The following CNTN5 variants were observed in gnomAD, a reference collection of about 807,000 sequenced individuals.
The protein encoded by CNTN5 is contactin 5.
In CNTN5, 77 loss-of-function variants were observed where a neutral mutation model predicts 129.1. That is an observed-to-expected ratio of 0.60 (90% CI 0.50 to 0.72). The LOEUF (loss-of-function observed/expected upper bound fraction) is 0.72, where lower values mean the gene tolerates loss of function less well. Among genes scored for constraint, CNTN5 ranks in the 30% least tolerant of loss-of-function variants. The pLI is 0.00. For missense variants in CNTN5, 1,478 were observed against 1,328.8 expected, an observed-to-expected ratio of 1.11 and a Z score of -1.75; for synonymous variants, 509 against 465.6, an observed-to-expected ratio of 1.09 and a Z score of -1.20.
At chr11:99,463,156 A>T (rs1380038147) in intron 2 of CNTN5, among the ~76,000 whole-genome samples, 2 of 75,728 alleles carry the variant, frequency 2.6e-5, no homozygotes, top group Non-Finnish European at 3.1e-5. Flanking sequence ...AAAGTAAAAA[A>T]GTCCAGGCGC....
intron 3 of CNTN5, among the ~76,000 whole-genome samples, chr11:99,635,751 ATTATGT>A (rs1490936114): frequency 7.2e-5 from 11 of 152,198 alleles, no homozygotes; most frequent in African/African-American, 2.4e-4. Flanking sequence ...AGGTAAATAA[ATTATGT>A]TTATGTATTT....
At position 99,729,852 on chromosome 11, in the gene CNTN5, A is replaced by T. The variant is rs1483532592; in HGVS notation, c.56-89692A>T. 2.0e-5 allele frequency among the ~76,000 whole-genome samples: 3 copies of T among 152,162 alleles called. No individual in the cohort carries two copies. In the East Asian group the frequency reaches 5.8e-4, roughly 29 times the overall value. On this transcript the variant is annotated intron_variant, in intron 3 of 24. Transcript: ENST00000524871. ...TTATAAGTGGGAGCTGAACAATGAG[A>T]ACACATGGACACGGGGAGGGGAACA...
At chr11:99,409,572 A>G (rs1016322485) in intron 2 of CNTN5, among the ~76,000 whole-genome samples, 1 of 152,268 alleles carries the variant, frequency 6.6e-6, no homozygotes, top group Non-Finnish European at 1.5e-5. Flanking sequence ...AGATAAAAAT[A>G]AATCATGAAT....
rs186727444 is a variant in CNTN5, at chr11:99,992,855, G to A, written c.878-9179G>A. 1.2e-3 allele frequency among the ~76,000 whole-genome samples: 185 copies of A among 152,310 alleles called. 2 individuals carry two copies. The highest frequency in any genetic ancestry group is 4.3e-3 in the African/African-American group (179 of 41,564). On this transcript the variant is annotated intron_variant, in intron 8 of 24. Coordinates refer to ENST00000524871, the MANE Select transcript of CNTN5 (RefSeq NM_014361.4). ...TTTATGAGAAATTAGGGTAATTTAA[G>A]GTCATCTTCTAATGGCACGTAATTC...
chr11:100,110,571 ATTTATAAACCATATAAT>A (rs1945621335), intron 13 of CNTN5, among the ~76,000 whole-genome samples: 6 of 152,260 alleles, frequency 3.9e-5, no homozygotes, highest in Non-Finnish European at 7.3e-5. Flanking sequence ...AGAACAATCT[ATTTATAAACCATATAAT>A]GAGAATAAGG....
chr11:99,033,885 G>C (rs1349999487), intron 1 of CNTN5, among the ~76,000 whole-genome samples: 2 of 150,568 alleles, frequency 1.3e-5, no homozygotes, highest in Non-Finnish European at 3.0e-5. Flanking sequence ...TGCCCATTCA[G>C]TATGATATTG....
intron 13 of CNTN5, among the ~76,000 whole-genome samples, chr11:100,092,683 A>T (rs146933594): frequency 6.6e-6 from 1 of 152,240 alleles, no homozygotes; most frequent in Admixed American, 6.5e-5. Flanking sequence ...ATCTGTATAA[A>T]TCATGTGTGG....
At chr11:100,096,493 ACCTGATCTCCCTCCCACCTGG>A (rs1945014429) in intron 13 of CNTN5, among the ~76,000 whole-genome samples, 1 of 150,144 alleles carries the variant, frequency 6.7e-6, no homozygotes, top group Admixed American at 6.6e-5. Flanking sequence ...ATCCCCTGAT[ACCTGATCTCCCTCCCACCTGG>A]GAGCTCCATC....
At chr11:99,937,513 A>G (rs1411045189) in intron 7 of CNTN5, among the ~76,000 whole-genome samples, 1 of 152,180 alleles carries the variant, frequency 6.6e-6, no homozygotes, top group Admixed American at 6.5e-5. Context: ...GCCAGCGGTG[A>G]CAGGGCTGTG....
intron 3 of CNTN5, among the ~76,000 whole-genome samples, chr11:99,811,790 C>T (rs1946436048): frequency 6.6e-6 from 1 of 151,992 alleles, no homozygotes; most frequent in African/African-American, 2.4e-5. Context: ...CACAAAATCT[C>T]TGGGCCACTT....
At chr11:100,009,722 C>T (rs1451766589) in intron 9 of CNTN5, among the ~76,000 whole-genome samples, 1 of 152,104 alleles carries the variant, frequency 6.6e-6, no homozygotes, top group Non-Finnish European at 1.5e-5. Context: ...TAATAATGCC[C>T]ATTTGTCTTC....
intron 2 of CNTN5, among the ~76,000 whole-genome samples, chr11:99,443,179 A>G (rs1200765060): frequency 6.6e-6 from 1 of 152,198 alleles, no homozygotes; most frequent in African/African-American, 2.4e-5. Context: ...GACTTGTTGA[A>G]TAAAAGACTG....
At chr11:99,717,793 A>G (rs977920262) in intron 3 of CNTN5, among the ~76,000 whole-genome samples, 9 of 152,156 alleles carry the variant, frequency 5.9e-5, no homozygotes, top group Non-Finnish European at 1.0e-4. Context: ...TACATGGCAC[A>G]TAAATACTTT....
At chr11:99,877,935 G>T (rs189668372) in intron 6 of CNTN5, among the ~76,000 whole-genome samples, 1 of 152,142 alleles carries the variant, frequency 6.6e-6, no homozygotes. Flanking sequence ...TTGCTTTGAA[G>T]GGTAGGATTC....
chr11:99,851,018 T>C (rs2135723962), intron 6 of CNTN5, among the ~76,000 whole-genome samples: 1 of 136,682 alleles, frequency 7.3e-6, no homozygotes. Context: ...CACTGATTAA[T>C]TTTTTTTTCT....
intron 1 of CNTN5, among the ~76,000 whole-genome samples, chr11:99,031,849 C>T (rs888228265): frequency 6.6e-6 from 1 of 151,158 alleles, no homozygotes. Context: ...ATGTGCCATG[C>T]TGGTGCGCTG....
chr11:99,319,922 T>C (rs565768765), intron 1 of CNTN5, among the ~76,000 whole-genome samples: 1 of 152,110 alleles, frequency 6.6e-6, no homozygotes, highest in South Asian at 2.1e-4. Flanking sequence ...TAAACATGAT[T>C]TGATAAATAA....
intron 15 of CNTN5, among the ~76,000 whole-genome samples, chr11:100,211,329 C>T (rs1041541607): frequency 7.2e-5 from 11 of 152,106 alleles, no homozygotes; most frequent in Non-Finnish European, 1.3e-4. Flanking sequence ...ATCGTAGCAG[C>T]TTCCCCAAGA....
At chr11:100,143,205 T>C (rs1430438479) in intron 13 of CNTN5, among the ~76,000 whole-genome samples, 1 of 152,180 alleles carries the variant, frequency 6.6e-6, no homozygotes, top group Non-Finnish European at 1.5e-5. Flanking sequence ...GTTTTTTTTC[T>C]AGTCATGTTT....
Sources: gnomAD v4.1 joint callset for allele counts (sites outside exome capture counted in the v4.1 genomes callset) on GRCh38, gnomAD v4.1.1 for gene constraint, MANE v1.5 for transcripts, NCBI Gene and HGNC (gene_info 2026-07-23, HGNC 2026-07-21) for gene names.